ZNF804B: variants seen among roughly 807,000 people sequenced by gnomAD.
The protein encoded by ZNF804B is zinc finger 804B.
Under a neutral mutation model 101.4 loss-of-function variants are expected in ZNF804B, and 80 were observed. The observed-to-expected ratio is 0.79, with a 90% CI of 0.66 to 0.95. The LOEUF is 0.95. Among genes scored for constraint, ZNF804B ranks in the 40% least tolerant of loss-of-function variants. ZNF804B has a pLI of 0.00. For synonymous variants in ZNF804B, 622 were observed against 558.8 expected (o/e 1.11, Z -1.59); for missense variants, 1,673 against 1,561.9 (o/e 1.07, Z -1.20).
chr7:89,221,144 TC>T (rs1788997955), intron 2 of ZNF804B, among the ~76,000 whole-genome samples: 1 of 152,008 alleles, frequency 6.6e-6, no homozygotes, highest in South Asian at 2.1e-4. Context: ...CTGGCTTTTT[TC>T]TCACTAATGA....
At chr7:89,192,845 A>T (rs552700225) in intron 1 of ZNF804B, among the ~76,000 whole-genome samples, 1 of 152,160 alleles carries the variant, frequency 6.6e-6, no homozygotes, top group Non-Finnish European at 1.5e-5. Flanking sequence ...GGTTAGTTCA[A>T]CATTCATAAA....
intron 1 of ZNF804B, among the ~76,000 whole-genome samples, chr7:88,823,386 G>A (rs2115764970): frequency 6.6e-6 from 1 of 152,246 alleles, no homozygotes; most frequent in Non-Finnish European, 1.5e-5. Context: ...TCCTGAGAAT[G>A]CAAGAATATG....
intron 1 of ZNF804B, among the ~76,000 whole-genome samples, chr7:88,855,074 T>A (rs111552266): frequency 0.052 from 5,414 of 104,694 alleles, 24 homozygotes; most frequent in East Asian, 0.17. Context: ...TACCTGTGCA[T>A]GTGTCTTATA....
At chr7:88,824,511 T>C (rs181815433) in intron 1 of ZNF804B, among the ~76,000 whole-genome samples, 1 of 152,172 alleles carries the variant, frequency 6.6e-6, no homozygotes, top group African/African-American at 2.4e-5. Flanking sequence ...TCTCAGGTAT[T>C]TCTTCATAGC....
chr7:89,160,327 A>G (rs1791039869), intron 1 of ZNF804B, among the ~76,000 whole-genome samples: 1 of 152,082 alleles, frequency 6.6e-6, no homozygotes, highest in Non-Finnish European at 1.5e-5. Flanking sequence ...ATAAAATTTG[A>G]CATGCTCAGG....
intron 1 of ZNF804B, among the ~76,000 whole-genome samples, chr7:89,168,696 T>C (rs1791179225): frequency 1.5e-5 from 2 of 129,184 alleles, no homozygotes; most frequent in South Asian, 5.0e-4. Context: ...TTTTTTTTTT[T>C]TTTTTTTTTG....
chr7:89,256,511 T>C (rs1208832), intron 2 of ZNF804B, among the ~76,000 whole-genome samples: 55,602 of 149,752 alleles, frequency 0.37, 10,504 homozygotes, highest in Middle Eastern at 0.42. Context: ...GGCCGCTGTA[T>C]GCCAGCCTAG....
intron 1 of ZNF804B, among the ~76,000 whole-genome samples, chr7:89,135,128 C>G (rs1211490674): frequency 1.3e-5 from 2 of 152,106 alleles, no homozygotes; most frequent in African/African-American, 4.8e-5. Flanking sequence ...CAAGACCAAG[C>G]TCAAGCATCC....
At chr7:89,275,099 C>A (rs1458596865) in intron 2 of ZNF804B, among the ~76,000 whole-genome samples, 12 of 151,938 alleles carry the variant, frequency 7.9e-5, no homozygotes, top group African/African-American at 2.9e-4. Context: ...ATTATCTAGA[C>A]CTTACTCTTG....
chr7:88,865,228 C>CAAAAA (rs10706264), intron 1 of ZNF804B, among the ~76,000 whole-genome samples: 1 of 115,816 alleles, frequency 8.6e-6, no homozygotes. Flanking sequence ...GACTTCGTAT[C>CAAAAA]AAAAAAAAAA....
chr7:88,966,685 T>G (rs936065600), intron 1 of ZNF804B, among the ~76,000 whole-genome samples: 2 of 151,626 alleles, frequency 1.3e-5, no homozygotes, highest in Non-Finnish European at 3.0e-5. Flanking sequence ...CCTGTCTGTA[T>G]GTGAAGTTGA....
chr7:88,770,406 A>G (rs2115629717), intron 1 of ZNF804B, among the ~76,000 whole-genome samples: 1 of 152,304 alleles, frequency 6.6e-6, no homozygotes, highest in Non-Finnish European at 1.5e-5. Context: ...AAGCCAGGGA[A>G]TGCAAGTGAC....
At chr7:89,028,311 G>A (rs1204885497) in intron 1 of ZNF804B, among the ~76,000 whole-genome samples, 2 of 152,134 alleles carry the variant, frequency 1.3e-5, no homozygotes, top group Non-Finnish European at 2.9e-5. Context: ...TGAAAAGAGT[G>A]AGCAAGAAAG....
chr7:89,306,204 A>C (rs1011414782), intron 2 of ZNF804B, among the ~76,000 whole-genome samples: 1 of 152,016 alleles, frequency 6.6e-6, no homozygotes, highest in African/African-American at 2.4e-5. Context: ...TACAAATTAC[A>C]GTTAATTGCA....
At chr7:89,024,445 A>G (rs1248752368) in intron 1 of ZNF804B, among the ~76,000 whole-genome samples, 1 of 151,956 alleles carries the variant, frequency 6.6e-6, no homozygotes, top group Non-Finnish European at 1.5e-5. Flanking sequence ...GCATATTGGC[A>G]TCGGAGTAAA....
chr7:88,843,726 G>T (rs1791322864), intron 1 of ZNF804B, among the ~76,000 whole-genome samples: 1 of 151,998 alleles, frequency 6.6e-6, no homozygotes, highest in Admixed American at 6.6e-5. Context: ...GACAGAGCGA[G>T]ACTCTGTCTC....
intron 1 of ZNF804B, among the ~76,000 whole-genome samples, chr7:88,939,922 A>G (rs886926190): frequency 6.6e-6 from 1 of 152,034 alleles, no homozygotes; most frequent in African/African-American, 2.4e-5. Flanking sequence ...TTATAAGTTT[A>G]GATTGATAAG....
intron 1 of ZNF804B, among the ~76,000 whole-genome samples, chr7:89,154,500 A>T (rs6946517): frequency 5.3e-5 from 8 of 152,010 alleles, no homozygotes; most frequent in Admixed American, 5.2e-4. Context: ...AAAATGTGGT[A>T]CTTACACACA....
chr7:89,079,652 G>T (rs184239108), intron 1 of ZNF804B, among the ~76,000 whole-genome samples: 133 of 152,098 alleles, frequency 8.7e-4, no homozygotes, highest in South Asian at 4.4e-3. Context: ...GATAATAAGT[G>T]TAAGTCAAAA....
Sources: allele counts gnomAD v4.1 joint callset (sites outside exome capture counted in the v4.1 genomes callset), GRCh38; gene constraint gnomAD v4.1.1; transcripts MANE v1.5; gene names NCBI Gene and HGNC (gene_info 2026-07-23, HGNC 2026-07-21).